The following COL5A1 variants were observed in gnomAD, a reference collection of about 807,000 sequenced individuals.
COL5A1 encodes collagen alpha-1(V) chain.
In COL5A1, 16 loss-of-function variants were observed where a neutral mutation model predicts 263.7. The ratio of observed to expected loss-of-function variants is 0.06; its 90% confidence interval spans 0.04 to 0.09. COL5A1 has a LOEUF of 0.09. Among genes scored for constraint, COL5A1 ranks in the 10% least tolerant of loss-of-function variants. The pLI, the probability that COL5A1 is intolerant of heterozygous loss-of-function variation, is 1.00. For synonymous variants in COL5A1, 1,012 were observed against 1,004.5 expected (o/e 1.01, Z -0.14); for missense variants, 2,036 against 2,540.5 (o/e 0.80, Z 4.27).
rs1239243572 is a variant in COL5A1, at chr9:134,647,389, G to A, written c.109+5093G>A. 3.3e-5 allele frequency among the ~76,000 whole-genome samples: 5 copies of A among 152,178 alleles called. 1 individual carries two copies. Among genetic ancestry groups the A allele is most frequent in the Admixed American group, 2.6e-4 (4 of 15,284 alleles). On this transcript the variant is annotated intron_variant, in intron 1 of 65. Transcript: ENST00000371817. This position sits in a 1 kb window ranked among gnomAD's most constrained non-coding sequence, Gnocchi z 5.0. ...GTGTGTCATGTGTGCGTGTGTGTGT[G>A]TGTGTGTCAGGCCGTGTGCACGTGT...
chr9:134,729,061 C>T (rs1050490030), intron 6 of COL5A1, among the ~76,000 whole-genome samples: 2 of 152,212 alleles, frequency 1.3e-5, no homozygotes, highest in East Asian at 3.9e-4. Flanking sequence ...CATCTCTGGG[C>T]CCTGGCCCCG....
intron 25 of COL5A1, among the ~76,000 whole-genome samples, chr9:134,771,264 A>T (rs536410636): frequency 1.3e-5 from 2 of 152,344 alleles, no homozygotes; most frequent in South Asian, 4.1e-4. Context: ...TGTGGCTGAT[A>T]GAAAGTGTAA....
chr9:134,738,389 A>G, intron 9 of COL5A1, 85 bp from the exon 10 acceptor site: 1 of 1,490,320 alleles, frequency 6.7e-7, no homozygotes, highest in Non-Finnish European at 9.3e-7. Flanking sequence ...TTGTGCATGC[A>G]GCTGAAGGCC....
chr9:134,715,472 C>T (rs12684067), intron 4 of COL5A1, among the ~76,000 whole-genome samples: 26,395 of 152,082 alleles, frequency 0.17, 2,516 homozygotes, highest in East Asian at 0.4. Context: ...ACAGACCCTT[C>T]ATGGGTGTCA....
At position 134,699,890 on chromosome 9, in the gene COL5A1, C is replaced by T. The variant is rs748555894; in HGVS notation, c.278-19C>T. 6.2e-7 allele frequency: 1 copy of T among 1,613,186 alleles called. No homozygotes were observed. Among genetic ancestry groups the T allele is most frequent in the Non-Finnish European group, 8.5e-7 (1 of 1,179,496 alleles). ...CAGGGGCTCCCCGACTGCCTTCTCA[C>T]CTCTGTGCTCTGTTCCAGCGTCTGC... On this transcript the variant is annotated intron_variant, in intron 2 of 65. Coordinates refer to ENST00000371817, the MANE Select transcript of COL5A1 (RefSeq NM_000093.5).
chr9:134,790,909 T>C (rs1424327417), intron 32 of COL5A1, among the ~76,000 whole-genome samples: 2 of 152,096 alleles, frequency 1.3e-5, no homozygotes, highest in Non-Finnish European at 2.9e-5. Context: ...CTTCTGCAGC[T>C]GGTCATGGGC....
At chr9:134,748,316 CACAT>C (rs1369101572) in intron 11 of COL5A1, among the ~76,000 whole-genome samples, 4 of 151,888 alleles carry the variant, frequency 2.6e-5, no homozygotes, top group African/African-American at 9.7e-5. Flanking sequence ...CATTGATAGT[CACAT>C]ACATGCACAC....
intron 34 of COL5A1, among the ~76,000 whole-genome samples, chr9:134,795,783 G>A (rs1235765731): frequency 3.9e-5 from 6 of 152,260 alleles, no homozygotes; most frequent in East Asian, 1.9e-4. Context: ...CTCCTTGGGT[G>A]GAGAATCTGG....
intron 1 of COL5A1, among the ~76,000 whole-genome samples, chr9:134,648,421 A>G (rs2132467313): frequency 6.6e-6 from 1 of 152,094 alleles, no homozygotes; most frequent in African/African-American, 2.4e-5. Flanking sequence ...CCACCAGGAC[A>G]TGGCATAGGG....
At chr9:134,697,951 G>A (rs1239346530) in intron 2 of COL5A1, among the ~76,000 whole-genome samples, 1 of 152,186 alleles carries the variant, frequency 6.6e-6, no homozygotes, top group African/African-American at 2.4e-5. Context: ...AGGCGTGGTG[G>A]TGTGGACCTG....
intron 58 of COL5A1, among the ~76,000 whole-genome samples, chr9:134,820,876 G>A (rs901168453): frequency 3.9e-5 from 6 of 152,186 alleles, no homozygotes; most frequent in South Asian, 2.1e-4. Context: ...GAATCTTTCC[G>A]TCCCGAGCAA....
At chr9:134,770,410 T>C (rs1564448065) in intron 25 of COL5A1, among the ~76,000 whole-genome samples, 2 of 152,312 alleles carry the variant, frequency 1.3e-5, no homozygotes, top group East Asian at 3.9e-4. Context: ...AATATATTCC[T>C]GGTATCACAC....
chr9:134,809,104 C>G (rs1838412090), intron 42 of COL5A1, 79 bp from the exon 43 acceptor site: 2 of 1,234,554 alleles, frequency 1.6e-6, no homozygotes, highest in Non-Finnish European at 2.3e-6. Flanking sequence ...CAGCGGATCC[C>G]TCTCTTGGGT....
chr9:134,759,362 A>G lies in COL5A1; in HGVS notation c.1935+1066A>G, dbSNP rs899735245. Reference sequence around the variant, plus strand: ...CACACACACACACCCACATTCATACACAGATGCACACACACCACACATGCA... The same window carrying G: ...CACACACACACACCCACATTCATACGCAGATGCACACACACCACACATGCA... On this transcript the variant is annotated intron_variant, in intron 18 of 65. Transcript: ENST00000371817. Among the ~76,000 whole-genome samples, 21 of 141,684 alleles carry G rather than the reference A, an allele frequency of 1.5e-4. 3 individuals are homozygous for G. Among genetic ancestry groups the G allele is most frequent in the African/African-American group, 5.7e-4 (21 of 36,820 alleles). The allele number at this position is 141,684 out of a possible 152,430, so 93.0% of individuals were successfully genotyped here.
chr9:134,746,110 C>T (rs1159140702), intron 11 of COL5A1, among the ~76,000 whole-genome samples: 2 of 152,160 alleles, frequency 1.3e-5, no homozygotes, highest in African/African-American at 4.8e-5. Context: ...TGATGAGAGA[C>T]CCTTCAGCCC....
chr9:134,763,113 T>A (rs1836526432), intron 19 of COL5A1, among the ~76,000 whole-genome samples: 1 of 152,048 alleles, frequency 6.6e-6, no homozygotes, highest in Admixed American at 6.5e-5. Flanking sequence ...TGTGTAGGCA[T>A]GTGTAGGCAG....
chr9:134,684,660 G>A (rs181007599), intron 1 of COL5A1, among the ~76,000 whole-genome samples: 5 of 152,336 alleles, frequency 3.3e-5, no homozygotes, highest in Admixed American at 2.0e-4. Flanking sequence ...CATGGAATGC[G>A]GTTATTCTGG....
chr9:134,803,026 AG>A (rs1564469341), intron 39 of COL5A1, 31 bp downstream of exon 39: 1 of 1,524,606 alleles, frequency 6.6e-7, no homozygotes. Flanking sequence ...GTGTCAGCTC[AG>A]GCGTTTCCTC....
At chr9:134,730,616 C>G in intron 7 of COL5A1, 141 bp downstream of exon 7, 1 of 1,165,536 alleles carries the variant, frequency 8.6e-7, no homozygotes, top group East Asian at 2.5e-5. Flanking sequence ...CACACCCTGG[C>G]CCTGGGCCCT....
Sources: allele counts gnomAD v4.1 joint callset (sites outside exome capture counted in the v4.1 genomes callset), GRCh38; gene constraint gnomAD v4.1.1; non-coding constraint Gnocchi (gnomAD v3.1); transcripts MANE v1.5; gene names NCBI Gene and HGNC (gene_info 2026-07-23, HGNC 2026-07-21).